Variants in SLC4A10 observed in about 807,000 individuals in gnomAD.
SLC4A10 encodes the protein sodium-driven chloride bicarbonate exchanger.
Under a neutral mutation model 137.7 loss-of-function variants are expected in SLC4A10, and 42 were observed. That is an observed-to-expected ratio of 0.30 (90% CI 0.24 to 0.39). The LOEUF (loss-of-function observed/expected upper bound fraction) is 0.39, where lower values mean the gene tolerates loss of function less well. Ranked by LOEUF, SLC4A10 falls within the 10% of genes least tolerant of loss-of-function variation. SLC4A10 has a pLI of 1.00. For synonymous variants in SLC4A10, 474 were observed against 464.1 expected, an observed-to-expected ratio of 1.02 and a Z score of -0.27; for missense variants, 925 against 1,355.0, an observed-to-expected ratio of 0.68 and a Z score of 4.98.
intron 1 of SLC4A10, among the ~76,000 whole-genome samples, chr2:161,679,920 A>G (rs1237080868): frequency 6.6e-6 from 1 of 151,668 alleles, no homozygotes; most frequent in African/African-American, 2.4e-5. Flanking sequence ...ACTTTATCAT[A>G]CTCTAGCCAT....
At chr2:161,777,199 A>ATATGG in intron 2 of SLC4A10, among the ~76,000 whole-genome samples, 1 of 151,910 alleles carries the variant, frequency 6.6e-6, no homozygotes, top group East Asian at 1.9e-4. Context: ...TTATAGGTTA[A>ATATGG]CATGGCTGTT....
At chr2:161,885,488 C>G (rs888718083) in intron 10 of SLC4A10, among the ~76,000 whole-genome samples, 1 of 152,094 alleles carries the variant, frequency 6.6e-6, no homozygotes, top group Admixed American at 6.6e-5. Context: ...TATTTTTAGA[C>G]TTATTATGAG....
intron 1 of SLC4A10, among the ~76,000 whole-genome samples, chr2:161,768,245 A>G (rs148737813): frequency 1.3e-5 from 2 of 152,160 alleles, no homozygotes; most frequent in East Asian, 3.9e-4. Context: ...AGTGAGACAG[A>G]TTTCAGCCAG....
At chr2:161,752,556 G>T (rs1489685776) in intron 1 of SLC4A10, among the ~76,000 whole-genome samples, 1 of 151,968 alleles carries the variant, frequency 6.6e-6, no homozygotes, top group African/African-American at 2.4e-5. Flanking sequence ...ATAATTCTAT[G>T]CTCATTGCAT....
At position 161,983,612 on chromosome 2, in the gene SLC4A10, T is replaced by C. The variant is rs1700510176; in HGVS notation, c.*460T>C. 5.9e-6 allele frequency: 1 copy of C among 169,250 alleles called. No individual in the cohort carries two copies. Among genetic ancestry groups the C allele is most frequent in the Non-Finnish European group, 1.3e-5 (1 of 79,696 alleles). 10.5% of individuals were successfully genotyped at this position (169,250 alleles called of 1,614,324 possible). A position where few individuals can be genotyped will look rare whatever the true frequency, so the allele number is the denominator to read the frequency against. On this transcript the variant is annotated 3_prime_UTR_variant, in exon 27 of 27. Coordinates refer to ENST00000446997, the MANE Select transcript of SLC4A10 (RefSeq NM_001178015.2). ...TGCCTGATAATTTCATTCAGAAGAA[T>C]TTTTGAAAGGTAGTCTTACTTCTTT...
At chr2:161,814,747 T>C (rs900583267) in intron 3 of SLC4A10, among the ~76,000 whole-genome samples, 6 of 152,054 alleles carry the variant, frequency 3.9e-5, no homozygotes, top group Non-Finnish European at 8.8e-5. Flanking sequence ...ATGGCAACAA[T>C]AGACACTGGA....
chr2:161,701,670 G>T (rs555609029), intron 1 of SLC4A10, among the ~76,000 whole-genome samples: 2 of 150,076 alleles, frequency 1.3e-5, no homozygotes, highest in African/African-American at 5.0e-5. Flanking sequence ...TACTAGAACT[G>T]ATTCCTTCTA....
chr2:161,703,225 T>C (rs536976465), intron 1 of SLC4A10, among the ~76,000 whole-genome samples: 1 of 151,876 alleles, frequency 6.6e-6, no homozygotes, highest in South Asian at 2.1e-4. Context: ...TGCACAAAGA[T>C]GTTTATTACA....
chr2:161,928,271 A>G (rs1689588186), intron 15 of SLC4A10, among the ~76,000 whole-genome samples: 1 of 149,856 alleles, frequency 6.7e-6, no homozygotes, highest in South Asian at 2.1e-4. Context: ...CTATCGCAAG[A>G]ACAAAAAACC....
chr2:161,895,800 G>A (rs1336141147), intron 11 of SLC4A10, among the ~76,000 whole-genome samples: 2 of 151,482 alleles, frequency 1.3e-5, no homozygotes, highest in Non-Finnish European at 2.9e-5. Context: ...TTCATTGTAG[G>A]TTCTGGATAT....
At chr2:161,931,345 A>G (rs1043341296) in intron 15 of SLC4A10, 1 of 152,260 alleles carries the variant, frequency 6.6e-6, no homozygotes, top group Admixed American at 6.5e-5. Context: ...TTCGGAACAA[A>G]ATACCTATAC....
At chr2:161,744,715 A>G (rs2048235425) in intron 1 of SLC4A10, among the ~76,000 whole-genome samples, 2 of 152,174 alleles carry the variant, frequency 1.3e-5, no homozygotes, top group South Asian at 4.1e-4. Context: ...AAGCAAAGAG[A>G]AAACTAATAA....
intron 1 of SLC4A10, among the ~76,000 whole-genome samples, chr2:161,767,018 C>A (rs2050883979): frequency 6.9e-6 from 1 of 144,254 alleles, no homozygotes; most frequent in Non-Finnish European, 1.5e-5. Flanking sequence ...TATCTATAAT[C>A]CTTTACCTGA....
intron 1 of SLC4A10, among the ~76,000 whole-genome samples, chr2:161,733,759 C>A (rs931138124): frequency 1.8e-4 from 27 of 152,162 alleles, no homozygotes; most frequent in African/African-American, 6.5e-4. Context: ...TCAATGCCAA[C>A]CCGTGAAAGC....
chr2:161,691,440 A>G (rs1016053274), intron 1 of SLC4A10, among the ~76,000 whole-genome samples: 1 of 152,032 alleles, frequency 6.6e-6, no homozygotes, highest in African/African-American at 2.4e-5. Context: ...AATAATTTAA[A>G]TCCTTAAAAA....
intron 15 of SLC4A10, among the ~76,000 whole-genome samples, chr2:161,913,682 C>A (rs949664486): frequency 2.6e-5 from 4 of 152,166 alleles, no homozygotes; most frequent in African/African-American, 9.6e-5. Flanking sequence ...TACCAGTAAC[C>A]AAATGAATTA....
chr2:161,789,305 C>T (rs185303568), intron 2 of SLC4A10, among the ~76,000 whole-genome samples: 28 of 152,170 alleles, frequency 1.8e-4, no homozygotes, highest in African/African-American at 5.5e-4. Context: ...AGAGAAGCAC[C>T]CCAACCTATC....
intron 5 of SLC4A10, among the ~76,000 whole-genome samples, chr2:161,860,508 A>G (rs182809108): frequency 1.3e-5 from 2 of 152,254 alleles, no homozygotes; most frequent in Admixed American, 6.5e-5. Context: ...CTACTTTACA[A>G]CTTCCATTAT....
chr2:161,770,930 A>C lies in SLC4A10; in HGVS notation c.49-43A>C, dbSNP rs1390872685. The C allele has an allele frequency of 3.6e-6, 5 of 1,382,780 alleles. No individual in the cohort carries two copies. The South Asian group carries it at 6.3e-5, about 18-fold the overall frequency. 85.7% of individuals were successfully genotyped at this position (1,382,780 alleles called of 1,614,324 possible). A position where few individuals can be genotyped will look rare whatever the true frequency, so the allele number is the denominator to read the frequency against. On this transcript the variant is annotated intron_variant, in intron 1 of 26. Transcript: ENST00000446997. ...AGGTTTGTTTTTTGAAATTGAGATA[A>C]TATGTGTGTTATCATTTAATCTTCC...
Sources: gnomAD v4.1 joint callset for allele counts (sites outside exome capture counted in the v4.1 genomes callset) on GRCh38, gnomAD v4.1.1 for gene constraint, MANE v1.5 for transcripts, NCBI Gene and HGNC (gene_info 2026-07-23, HGNC 2026-07-21) for gene names.